Variants in LMBR1L observed in about 807,000 individuals in gnomAD.
The protein encoded by LMBR1L is limb development membrane protein 1 like.
A neutral mutation model predicts 67.3 loss-of-function variants in LMBR1L; 47 were observed. The ratio of observed to expected loss-of-function variants is 0.70; its 90% CI spans 0.55 to 0.89. The LOEUF is 0.89. Ranked by LOEUF, LMBR1L falls within the 40% of genes least tolerant of loss-of-function variation. The pLI, the probability that LMBR1L is intolerant of heterozygous loss-of-function variation, is 0.00. For synonymous variants in LMBR1L, 247 were observed against 250.3 expected (o/e 0.99, Z 0.13); for missense variants, 533 against 599.2 (o/e 0.89, Z 1.15).
At chr12:49,101,850 T>C in intron 11 of LMBR1L, 1 of 580,010 alleles carries the variant, frequency 1.7e-6, no homozygotes, top group Non-Finnish European at 3.1e-6. Flanking sequence ...ATTTCAATGT[T>C]TATTATTTTA....
chr12:49,107,073 A>C lies in LMBR1L; in HGVS notation c.73-28T>G, dbSNP rs377348014. The C allele has an allele frequency of 1.5e-5, 23 of 1,511,836 alleles. No individual in the cohort carries two copies. In the African/African-American group the frequency reaches 2.1e-4, roughly 14 times the overall value. The allele number at this position is 1,511,836 out of a possible 1,614,324, so 93.7% of individuals were successfully genotyped here. A position where few individuals can be genotyped will look rare whatever the true frequency, so the allele number is the denominator to read the frequency against. ...GTAGCAGAATATGAGCTGGGATGAG[A>C]AGCTCTAACCTTCAGCACACTCCAC... is the stretch of plus-strand genomic sequence containing the variant. On this transcript the variant is annotated intron_variant, in intron 1 of 16. Transcript: ENST00000267102.
chr12:49,102,786 G>A (rs1940373554), intron 8 of LMBR1L, 101 bp downstream of exon 8: 4 of 1,127,192 alleles, frequency 3.5e-6, no homozygotes, highest in Non-Finnish European at 5.3e-6. Flanking sequence ...GTAGCTCTCT[G>A]CAAGTTGTGT....
At chr12:49,100,937 C>T in intron 13 of LMBR1L, 1 of 549,208 alleles carries the variant, frequency 1.8e-6, no homozygotes, top group Non-Finnish European at 3.2e-6. Flanking sequence ...CCATGTTGCT[C>T]AGGCTGGTCT....
intron 1 of LMBR1L, 87 bp from the exon 2 acceptor site, chr12:49,107,132 TCA>T: frequency 1.2e-6 from 1 of 852,028 alleles, no homozygotes; most frequent in South Asian, 1.4e-5. Context: ...TTCCAGGCCA[TCA>T]CTTCCTCAAG....
rs1940210536 is a variant in LMBR1L at position 49,101,688 on chromosome 12, C to T, written c.931-139G>A. On this transcript the variant is annotated intron_variant, in intron 11 of 16. Transcript: ENST00000267102. ...TCCAATGAGCTATATGGGACCTCAT[C>T]AAGGCTGCTATTAGCAACAGAGTGC... is the stretch of plus-strand genomic sequence containing the variant. 4 of 634,918 alleles carry T rather than the reference C, an allele frequency of 6.3e-6. No individual in the cohort carries two copies. The Admixed American group carries it at 1.1e-4, about 18-fold the overall frequency. The allele number at this position is 634,918 out of a possible 1,614,324, so 39.3% of individuals were successfully genotyped here.
chr12:49,107,808 T>C (rs147809616), intron 1 of LMBR1L, among the ~76,000 whole-genome samples: 27 of 152,344 alleles, frequency 1.8e-4, no homozygotes, highest in East Asian at 1.3e-3. Flanking sequence ...GGAGGAGCCA[T>C]TGGCCAGCTT....
At position 49,103,153 on chromosome 12, in the gene LMBR1L, C is replaced by A; in HGVS notation, c.569G>T (p.Trp190Leu). The A allele has an allele frequency of 6.2e-7, 1 of 1,613,622 alleles. No homozygotes were observed. The highest frequency in any genetic ancestry group is 1.1e-5 in the South Asian group (1 of 91,072). ...GTAGAGGTAGGGGAGATAGTACTCC[C>A]AAAAGTCTAAGGATAAAAAAAAGAG... Reference protein sequence around the residue: ...KANRESLYDFWEYYLPYLYSC... With the variant: ...KANRESLYDFLEYYLPYLYSC... The change falls in exon 7 of 17, where the codon TGG becomes TTG. Residue 190 changes from tryptophan (W) to leucine (L), a missense_variant. By Grantham distance (61) the Trp-to-Leu change is moderately conservative. This residue lies in a region of LMBR1L where 246 missense variants were observed against 249.0 expected (regional missense o/e 0.99). Coordinates refer to ENST00000267102, the MANE Select transcript of LMBR1L (RefSeq NM_018113.4).
chr12:49,102,760 G>A, intron 8 of LMBR1L, 127 bp downstream of exon 8: 1 of 948,324 alleles, frequency 1.1e-6, no homozygotes. Context: ...ACAGAATACA[G>A]GAACCAACAA....
intron 13 of LMBR1L, 22 bp downstream of exon 13, chr12:49,101,228 T>C (rs1940131132): frequency 3.7e-6 from 6 of 1,613,816 alleles, no homozygotes; most frequent in Middle Eastern, 1.6e-4. Flanking sequence ...ACAGAGGCAA[T>C]GATGGGTTTC....
chr12:49,109,348 C>T (rs1382636044), intron 1 of LMBR1L, among the ~76,000 whole-genome samples: 1 of 152,126 alleles, frequency 6.6e-6, no homozygotes, highest in Non-Finnish European at 1.5e-5. Context: ...GACTGTCCAC[C>T]AAGAAACACA....
chr12:49,102,896 G>T lies in LMBR1L; in HGVS notation c.687C>A (p.Val229=). Residue 229 remains valine (V), a synonymous_variant, in exon 8 of 17, where the codon GTC becomes GTA. Coordinates refer to ENST00000267102, the MANE Select transcript of LMBR1L (RefSeq NM_018113.4). ...AAGGAATACCACATACCCGGGGCTT[G>T]ACTAGCAGCTTCCCAGTGACGGAGA... ...RMFSVTGKLL[V]KPRLLEDLEE... is the part of the protein sequence containing the mutation. 6.2e-7 allele frequency: 1 copy of T among 1,614,118 alleles called. No individual in the cohort carries two copies. The highest frequency in any genetic ancestry group is 1.1e-5 in the South Asian group (1 of 91,062).
chr12:49,104,424 C>A (rs770650284), intron 5 of LMBR1L, 24 bp downstream of exon 5: 1 of 1,485,130 alleles, frequency 6.7e-7, no homozygotes, highest in Non-Finnish European at 9.4e-7. Flanking sequence ...CCGTTTCCTG[C>A]CTGGATACAT....
At chr12:49,104,936 T>C in intron 3 of LMBR1L, 51 bp from the exon 4 acceptor site, 1 of 1,561,936 alleles carries the variant, frequency 6.4e-7, no homozygotes, top group Non-Finnish European at 8.7e-7. Flanking sequence ...CTCACTACCC[T>C]GTGCTGAAGA....
rs192135604 is a variant in LMBR1L at position 49,106,017 on chromosome 12, C to T, written c.158-60G>A. 309 of 1,457,038 alleles carry T rather than the reference C, an allele frequency of 2.1e-4. 2 individuals are homozygous for T. In the African/African-American group the frequency reaches 3.7e-3, roughly 17 times the overall value. The allele number at this position is 1,457,038 out of a possible 1,614,324, so 90.3% of individuals were successfully genotyped here. A position where few individuals can be genotyped will look rare whatever the true frequency, so the allele number is the denominator to read the frequency against. ...GGACATCAGGGGGCAGCTCTGAGGC[C>T]GTTAGTATTACAATGTGCTCCCTGC... is the stretch of plus-strand genomic sequence containing the variant. On this transcript the variant is annotated intron_variant, in intron 2 of 16. Transcript: ENST00000267102.
intron 1 of LMBR1L, chr12:49,110,071 A>G (rs1327995690): frequency 4.3e-6 from 2 of 466,678 alleles, no homozygotes; most frequent in Admixed American, 4.7e-5. Flanking sequence ...AATCAAGCTC[A>G]GTGTGACGAC....
chr12:49,103,632 G>C, intron 6 of LMBR1L, 55 bp downstream of exon 6: 1 of 1,558,924 alleles, frequency 6.4e-7, no homozygotes, highest in South Asian at 1.2e-5. Context: ...TTCCAGGCAG[G>C]GGGACATGGG....
chr12:49,098,418 GT>G (rs1384585430), intron 15 of LMBR1L, among the ~76,000 whole-genome samples: 3 of 152,012 alleles, frequency 2.0e-5, no homozygotes, highest in Admixed American at 6.6e-5. Context: ...AGTTTGCCAA[GT>G]TTTTTTTAGT....
chr12:49,103,031 T>C (rs773230990), intron 7 of LMBR1L, 60 bp downstream of exon 7: 40 of 1,606,912 alleles, frequency 2.5e-5, no homozygotes, highest in Non-Finnish European at 3.2e-5. Flanking sequence ...CCTTTCCTTC[T>C]AGCCTGGTTA....
At position 49,102,812 on chromosome 12, in the gene LMBR1L, G is replaced by GGTT. The variant is rs891305343; in HGVS notation, c.696+72_696+74dup. ...CAAGTTGTGTACTACACAACCATAG[G>GGTT]GTTGTTTCATTGTTTGGTTCCAGCT... On this transcript the variant is annotated intron_variant, in intron 8 of 16. Coordinates refer to ENST00000267102, the MANE Select transcript of LMBR1L (RefSeq NM_018113.4). 3.7e-6 allele frequency: 5 copies of GGTT among 1,368,830 alleles called. No homozygotes were observed. In the African/African-American group the frequency reaches 7.1e-5, roughly 20 times the overall value. The allele number at this position is 1,368,830 out of a possible 1,614,324, so 84.8% of individuals were successfully genotyped here. A position where few individuals can be genotyped will look rare whatever the true frequency, so the allele number is the denominator to read the frequency against.
Sources: allele counts gnomAD v4.1 joint callset (sites outside exome capture counted in the v4.1 genomes callset), GRCh38; gene constraint gnomAD v4.1.1; regional missense constraint gnomAD v4.1.1; transcripts MANE v1.5; gene names NCBI Gene and HGNC (gene_info 2026-07-23, HGNC 2026-07-21).